Variants in SCMH1 observed in about 807,000 individuals in gnomAD.
The protein encoded by SCMH1 is polycomb protein SCMH1.
SCMH1 carries 37 observed loss-of-function variants against 70.8 expected under a neutral mutation model. That is an observed-to-expected ratio of 0.52 (90% CI 0.40 to 0.69). SCMH1 has a LOEUF of 0.69. SCMH1 is among the 30% of genes least tolerant of loss of function. The pLI is 0.00. For synonymous variants in SCMH1, 292 were observed against 307.4 expected (o/e 0.95, Z 0.52); for missense variants, 607 against 827.3 (o/e 0.73, Z 3.27).
Position 41,134,411 on chromosome 1 carries a change from G to A in SCMH1, c.412+8467C>T, listed in dbSNP as rs577696732. Among the ~76,000 whole-genome samples the A allele has an allele frequency of 4.6e-5, 7 of 152,236 alleles. No homozygotes were observed. The South Asian group carries it at 6.2e-4, about 14-fold the overall frequency. ...CCCTCTCTCACCACTCCTATTCAAC[G>A]TAGTATTAGAAGTTCTGGCTAGGGC... On this transcript the variant is annotated intron_variant, in intron 6 of 14. Coordinates refer to ENST00000337495, the Ensembl canonical transcript of SCMH1.
intron 13 of SCMH1, among the ~76,000 whole-genome samples, chr1:41,035,185 T>C (rs908494714): frequency 2.0e-5 from 3 of 152,212 alleles, no homozygotes; most frequent in Non-Finnish European, 4.4e-5. Flanking sequence ...CTATCCTGAT[T>C]TAGCCTTGCA....
At chr1:41,104,361 G>A (rs1281406098) in intron 8 of SCMH1, among the ~76,000 whole-genome samples, 1 of 152,206 alleles carries the variant, frequency 6.6e-6, no homozygotes, top group Non-Finnish European at 1.5e-5. Context: ...TTTATGGAAG[G>A]AGGAAATGGT....
At chr1:41,218,373 T>C (rs768530273) in intron 1 of SCMH1, among the ~76,000 whole-genome samples, 2 of 152,136 alleles carry the variant, frequency 1.3e-5, no homozygotes, top group Non-Finnish European at 2.9e-5. Flanking sequence ...TCCAATGTGA[T>C]GGTGTCCTTA....
In SCMH1 at chr1:41,066,570, T is replaced by A. The variant is rs563447441; in HGVS notation, c.1105+4025A>T. 2.6e-4 allele frequency among the ~76,000 whole-genome samples: 40 copies of A among 152,290 alleles called. No individual in the cohort carries two copies. The South Asian group carries it at 7.7e-3, about 29-fold the overall frequency. On this transcript the variant is annotated intron_variant, in intron 10 of 14. Transcript: ENST00000337495. ...TATGAAATGCTTTTAGTCAGCCATC[T>A]TTTTTTGTTGTTGTTGTTTTGGAGA...
At chr1:41,153,290 T>C (rs1427645045) in intron 4 of SCMH1, among the ~76,000 whole-genome samples, 4 of 152,198 alleles carry the variant, frequency 2.6e-5, no homozygotes, top group African/African-American at 7.2e-5. Flanking sequence ...CACATAACTA[T>C]TGGATACTTG....
intron 1 of SCMH1, among the ~76,000 whole-genome samples, chr1:41,228,955 G>A (rs952103239): frequency 2.6e-5 from 4 of 152,146 alleles, no homozygotes; most frequent in African/African-American, 7.2e-5. Flanking sequence ...TCATTCATTC[G>A]GAGGCCAAGG....
At chr1:41,041,854 A>G (rs533578499) in intron 12 of SCMH1, among the ~76,000 whole-genome samples, 9 of 152,322 alleles carry the variant, frequency 5.9e-5, no homozygotes, top group Admixed American at 5.9e-4. Flanking sequence ...GAGAATCCCA[A>G]AACAGCAGAC....
chr1:41,140,489 C>T (rs760462939), intron 6 of SCMH1, among the ~76,000 whole-genome samples: 2 of 152,100 alleles, frequency 1.3e-5, no homozygotes, highest in African/African-American at 4.8e-5. Context: ...GACGAGGTTT[C>T]ACCATGTTGG....
At chr1:41,118,832 C>T (rs548009593) in intron 6 of SCMH1, among the ~76,000 whole-genome samples, 1 of 152,344 alleles carries the variant, frequency 6.6e-6, no homozygotes, top group Non-Finnish European at 1.5e-5. Context: ...CCCAAACTAC[C>T]TCAGCCTTCC....
intron 1 of SCMH1, among the ~76,000 whole-genome samples, chr1:41,186,877 C>T (rs1355636105): frequency 6.6e-6 from 1 of 152,082 alleles, no homozygotes; most frequent in Admixed American, 6.5e-5. Context: ...ACTTCCAGCC[C>T]CCAGAACTTT....
intron 12 of SCMH1, among the ~76,000 whole-genome samples, chr1:41,038,938 T>C (rs1232125499): frequency 6.6e-6 from 1 of 152,172 alleles, no homozygotes; most frequent in African/African-American, 2.4e-5. Flanking sequence ...TTTCTTCATG[T>C]GTAAAATGGG....
chr1:41,187,162 G>A (rs1379245084), intron 1 of SCMH1, among the ~76,000 whole-genome samples: 3 of 151,944 alleles, frequency 2.0e-5, no homozygotes, highest in African/African-American at 7.3e-5. Context: ...TTCCCTTTAA[G>A]ACGTTAGGCA....
chr1:41,105,752 A>T (rs990883071), intron 8 of SCMH1, among the ~76,000 whole-genome samples: 2 of 152,182 alleles, frequency 1.3e-5, no homozygotes, highest in African/African-American at 4.8e-5. Flanking sequence ...CTGGAATATT[A>T]TAACAGCTTG....
chr1:41,228,960 C>T (rs538674981), intron 1 of SCMH1, among the ~76,000 whole-genome samples: 1 of 152,200 alleles, frequency 6.6e-6, no homozygotes, highest in East Asian at 1.9e-4. Flanking sequence ...CATTCGGAGG[C>T]CAAGGTGGGT....
intron 8 of SCMH1, among the ~76,000 whole-genome samples, chr1:41,101,869 G>A (rs1666723349): frequency 6.6e-6 from 1 of 152,134 alleles, no homozygotes; most frequent in South Asian, 2.1e-4. Flanking sequence ...GCTAGGAGTT[G>A]AACCTAGATC....
intron 12 of SCMH1, among the ~76,000 whole-genome samples, chr1:41,039,350 G>A (rs2300658): frequency 0.11 from 16,516 of 152,244 alleles, 1,277 homozygotes; most frequent in East Asian, 0.28. Context: ...GGCAAGTCAT[G>A]AAATCTTATC....
At chr1:41,154,869 A>G (rs980180268) in intron 4 of SCMH1, among the ~76,000 whole-genome samples, 2 of 152,250 alleles carry the variant, frequency 1.3e-5, no homozygotes, top group African/African-American at 4.8e-5. Context: ...GATACTTATT[A>G]ACTATCCTCT....
At chr1:41,029,304 C>T (rs1487212354) in intron 13 of SCMH1, among the ~76,000 whole-genome samples, 1 of 152,190 alleles carries the variant, frequency 6.6e-6, no homozygotes, top group East Asian at 1.9e-4. Context: ...CTTCTGCCTC[C>T]CAGGTTCAAG....
intron 10 of SCMH1, among the ~76,000 whole-genome samples, chr1:41,053,526 G>C (rs1257087902): frequency 6.6e-6 from 1 of 152,208 alleles, no homozygotes; most frequent in Non-Finnish European, 1.5e-5. Context: ...GCCATGTGGT[G>C]AAAGTGGATC....
Sources: gnomAD v4.1 joint callset for allele counts (sites outside exome capture counted in the v4.1 genomes callset) on GRCh38, gnomAD v4.1.1 for gene constraint, MANE v1.5 for transcripts, NCBI Gene and HGNC (gene_info 2026-07-23, HGNC 2026-07-21) for gene names.